The following PCDH9 variants were observed in gnomAD, a reference collection of about 807,000 sequenced individuals.
The protein encoded by PCDH9 is protocadherin 9, also known as protocadherin-9.
In PCDH9, 24 loss-of-function variants were observed where a neutral mutation model predicts 70.6. The ratio of observed to expected loss-of-function variants is 0.34; its 90% confidence interval spans 0.25 to 0.48. PCDH9 has a LOEUF of 0.48. Ranked by LOEUF, PCDH9 falls within the 20% of genes least tolerant of loss-of-function variation. The pLI is 0.99. For missense variants in PCDH9, 1,281 were observed against 1,503.6 expected, an observed-to-expected ratio of 0.85 and a Z score of 2.45; for synonymous variants, 562 against 558.5, an observed-to-expected ratio of 1.01 and a Z score of -0.09.
chr13:66,640,799 G>C lies in PCDH9; in HGVS notation c.3139-9388C>G, dbSNP rs540168652. Among the ~76,000 whole-genome samples, 8 of 152,204 alleles carry C rather than the reference G, an allele frequency of 5.3e-5. No individual in the cohort carries two copies. In the East Asian group the frequency reaches 1.5e-3, roughly 29 times the overall value. ...AATGCTCATGACGGATTGTTAATTT[G>C]CACCTATAATGTAGCATAATCTGTT... On this transcript the variant is annotated intron_variant, in intron 3 of 4. Coordinates refer to ENST00000377865, the MANE Select transcript of PCDH9 (RefSeq NM_203487.3).
At chr13:66,486,230 C>A (rs748363075) in intron 4 of PCDH9, among the ~76,000 whole-genome samples, 2 of 151,898 alleles carry the variant, frequency 1.3e-5, no homozygotes, top group Non-Finnish European at 2.9e-5. Flanking sequence ...TTATTTGAAC[C>A]CAATAGTTTG....
chr13:67,077,862 A>G (rs1249553916), intron 2 of PCDH9, among the ~76,000 whole-genome samples: 2 of 152,170 alleles, frequency 1.3e-5, no homozygotes, highest in African/African-American at 4.8e-5. Context: ...ATTAAAAAAA[A>G]ATTCACATGT....
intron 3 of PCDH9, among the ~76,000 whole-genome samples, chr13:66,720,716 T>A (rs898393683): frequency 3.3e-5 from 5 of 152,152 alleles, no homozygotes; most frequent in Non-Finnish European, 5.9e-5. Context: ...GATGTTTAAT[T>A]TTCAGTTCCC....
chr13:66,481,316 AG>A (rs373582950), intron 4 of PCDH9, among the ~76,000 whole-genome samples: 2 of 151,228 alleles, frequency 1.3e-5, no homozygotes, highest in Admixed American at 1.3e-4. Flanking sequence ...AAAAAAAAAA[AG>A]AAACTGCCAT....
At chr13:66,729,831 C>A (rs1010366070) in intron 3 of PCDH9, among the ~76,000 whole-genome samples, 4 of 152,128 alleles carry the variant, frequency 2.6e-5, no homozygotes, top group Admixed American at 1.3e-4. Context: ...GATCCTCTAT[C>A]CTAATCAAGA....
At chr13:66,947,467 T>G (rs867714800) in intron 2 of PCDH9, among the ~76,000 whole-genome samples, 6 of 152,278 alleles carry the variant, frequency 3.9e-5, no homozygotes, top group Middle Eastern at 6.8e-3. Flanking sequence ...ATACACGGAT[T>G]ACTGCAATAC....
intron 2 of PCDH9, among the ~76,000 whole-genome samples, chr13:67,160,283 C>T (rs910470903): frequency 1.6e-4 from 25 of 152,194 alleles, no homozygotes; most frequent in African/African-American, 5.5e-4. Flanking sequence ...CGGTGGCTCA[C>T]GCCTGTAATC....
chr13:66,406,475 T>G (rs770942708), intron 4 of PCDH9, among the ~76,000 whole-genome samples: 96 of 152,152 alleles, frequency 6.3e-4, no homozygotes, highest in Admixed American at 7.2e-4. Flanking sequence ...ACGCTTCCCA[T>G]TAAGGTTTGA....
intron 4 of PCDH9, among the ~76,000 whole-genome samples, chr13:66,526,357 T>C (rs1313406712): frequency 6.6e-6 from 1 of 152,074 alleles, no homozygotes; most frequent in Non-Finnish European, 1.5e-5. Flanking sequence ...CTTGTGCAAA[T>C]ATTTTGATGA....
intron 2 of PCDH9, among the ~76,000 whole-genome samples, chr13:67,116,148 A>G (rs1387301189): frequency 1.3e-5 from 2 of 152,166 alleles, no homozygotes; most frequent in Non-Finnish European, 2.9e-5. Context: ...ATCTCATGTG[A>G]CTTTGAGATG....
rs2084204745 is a variant in PCDH9 at position 66,999,963 on chromosome 13, C to T, written c.3037-96358G>A. On this transcript the variant is annotated intron_variant, in intron 2 of 4. Coordinates refer to ENST00000377865, the MANE Select transcript of PCDH9 (RefSeq NM_203487.3). ...TCTAGAACTAGAAATACCATTTGAC[C>T]CAGCCATCCCATTACTGGGTATATA... 2.0e-5 allele frequency among the ~76,000 whole-genome samples: 3 copies of T among 152,010 alleles called. 1 individual carries two copies. The South Asian group carries it at 6.2e-4, about 32-fold the overall frequency.
intron 2 of PCDH9, among the ~76,000 whole-genome samples, chr13:66,956,732 A>G (rs2083270637): frequency 6.6e-6 from 1 of 152,236 alleles, no homozygotes; most frequent in Non-Finnish European, 1.5e-5. Context: ...GCTGGGCAGC[A>G]GAGTGAGAAT....
chr13:66,478,521 G>A (rs772734572), intron 4 of PCDH9, among the ~76,000 whole-genome samples: 1 of 152,158 alleles, frequency 6.6e-6, no homozygotes. Context: ...AGTTATTGAA[G>A]GAAATTAGAA....
intron 3 of PCDH9, among the ~76,000 whole-genome samples, chr13:66,829,651 G>C (rs2080887619): frequency 7.2e-6 from 1 of 139,502 alleles, no homozygotes; most frequent in Non-Finnish European, 1.5e-5. Context: ...CCGGGAGGCG[G>C]AGCTTGCAGT....
intron 2 of PCDH9, among the ~76,000 whole-genome samples, chr13:67,129,380 C>T (rs1211707175): frequency 2.0e-5 from 3 of 152,014 alleles, no homozygotes; most frequent in Non-Finnish European, 2.9e-5. Context: ...GCATGATAGA[C>T]ATGTGCATAA....
intron 4 of PCDH9, among the ~76,000 whole-genome samples, chr13:66,309,915 A>G (rs1205289488): frequency 6.6e-6 from 1 of 151,898 alleles, no homozygotes; most frequent in African/African-American, 2.4e-5. Flanking sequence ...CATAAAATAT[A>G]TGTGTAGAAT....
At position 66,732,892 on chromosome 13, in the gene PCDH9, T is replaced by C. The variant is rs146915988; in HGVS notation, c.3139-101481A>G. On this transcript the variant is annotated intron_variant, in intron 3 of 4. Coordinates refer to ENST00000377865, the MANE Select transcript of PCDH9 (RefSeq NM_203487.3). ...AATTATTGATATTTTACCTACTTAG[T>C]TCTAAGAGCTTCCTTTACACCAGCT... 9.9e-3 allele frequency among the ~76,000 whole-genome samples: 1,507 copies of C among 152,142 alleles called. 13 individuals carry two copies. The highest frequency in any genetic ancestry group is 0.035 in the African/African-American group (1,438 of 41,548).
At chr13:67,175,648 A>G (rs2088429619) in intron 2 of PCDH9, among the ~76,000 whole-genome samples, 2 of 152,188 alleles carry the variant, frequency 1.3e-5, no homozygotes, top group South Asian at 4.1e-4. Context: ...TGAATGAAAA[A>G]GGCTTCATAA....
chr13:66,614,205 T>C (rs1302680120), intron 4 of PCDH9, among the ~76,000 whole-genome samples: 6 of 152,216 alleles, frequency 3.9e-5, no homozygotes, highest in Non-Finnish European at 7.3e-5. Flanking sequence ...CATGGAAATG[T>C]AAACTTTGGC....
Sources: gnomAD v4.1 joint callset for allele counts (sites outside exome capture counted in the v4.1 genomes callset) on GRCh38, gnomAD v4.1.1 for gene constraint, MANE v1.5 for transcripts, NCBI Gene and HGNC (gene_info 2026-07-23, HGNC 2026-07-21) for gene names.